PIP4K2A: variants seen among roughly 807,000 people sequenced by gnomAD.
PIP4K2A encodes the protein phosphatidylinositol-5-phosphate 4-kinase type 2 alpha.
In PIP4K2A, 14 loss-of-function variants were observed where a neutral mutation model predicts 42.9. The observed-to-expected ratio is 0.33, with a 90% CI of 0.22 to 0.51. The LOEUF is 0.51. Ranked by LOEUF, PIP4K2A falls within the 20% of genes least tolerant of loss-of-function variation. The probability of loss-of-function intolerance (pLI) is 0.97; values close to 1 mark genes in which losing one functional copy is unlikely to be tolerated. For missense variants in PIP4K2A, 434 were observed against 519.8 expected (o/e 0.83, Z 1.61); for synonymous variants, 192 against 192.2 (o/e 1.00, Z 0.01).
At chr10:22,700,070 T>G (rs1439689119) in intron 1 of PIP4K2A, among the ~76,000 whole-genome samples, 1 of 152,188 alleles carries the variant, frequency 6.6e-6, no homozygotes, top group African/African-American at 2.4e-5. Flanking sequence ...TGAGTACTTC[T>G]GAGATCGAGC....
rs576221227 is a variant in PIP4K2A at position 22,621,621 on chromosome 10, T to C, written c.145-11904A>G. Among the ~76,000 whole-genome samples the C allele has an allele frequency of 1.2e-4, 19 of 152,320 alleles. No individual in the cohort carries two copies. The East Asian group carries it at 3.7e-3, about 29-fold the overall frequency. On this transcript the variant is annotated intron_variant, in intron 1 of 9. Coordinates refer to ENST00000376573, the MANE Select transcript of PIP4K2A (RefSeq NM_005028.5). ...AGAAGATGGGGAGGAGTTTGGTATGTAATACAGGTGTCCCTGGGTACCCCA... is the reference window on the plus strand; with the variant it reads ...AGAAGATGGGGAGGAGTTTGGTATGCAATACAGGTGTCCCTGGGTACCCCA...
chr10:22,579,917 A>G (rs1208007140), intron 4 of PIP4K2A, among the ~76,000 whole-genome samples: 1 of 150,300 alleles, frequency 6.7e-6, no homozygotes. Context: ...TGAGAAGAAA[A>G]AAAAGAAAAA....
intron 1 of PIP4K2A, among the ~76,000 whole-genome samples, chr10:22,668,067 T>C (rs1564461569): frequency 6.6e-6 from 1 of 152,104 alleles, no homozygotes; most frequent in East Asian, 1.9e-4. Flanking sequence ...TTCACCTGCC[T>C]TAGCCTCCTG....
At chr10:22,649,371 C>G (rs781444224) in intron 1 of PIP4K2A, among the ~76,000 whole-genome samples, 1 of 152,170 alleles carries the variant, frequency 6.6e-6, no homozygotes, top group Non-Finnish European at 1.5e-5. Context: ...ACTTGGCTGT[C>G]AAATGAATCA....
chr10:22,573,353 T>C lies in PIP4K2A; in HGVS notation c.597A>G (p.Val199=), dbSNP rs10508649. The change falls in exon 5 of 10, where the codon GTA becomes GTG. Residue 199 remains valine, a synonymous_variant. Coordinates refer to ENST00000376573, the MANE Select transcript of PIP4K2A (RefSeq NM_005028.5). ...VEIYVIVTRN[V]FSHRLSVYRK... The stretch of plus-strand genomic sequence containing the variant: ...TATACACAGACAAACGGTGGCTGAA[T>C]ACATTTCTTGTAACTATCACATATA... 32,482 of 1,613,658 alleles carry C rather than the reference T, an allele frequency of 0.02. 1,809 individuals carry two copies. The African/African-American group carries it at 0.21, about 10-fold the overall frequency.
chr10:22,570,485 A>C (rs1356460020), intron 5 of PIP4K2A, among the ~76,000 whole-genome samples: 2 of 152,202 alleles, frequency 1.3e-5, no homozygotes, highest in African/African-American at 2.4e-5. Flanking sequence ...CCCCAGGGGC[A>C]ATTCCAGGGG....
In PIP4K2A at chr10:22,537,109, G is replaced by T; in HGVS notation, c.*92C>A. ...CAAGGAGGTTTGCTTCCTGCAAGAT[G>T]AGTACTTCACTGAGTTTGGTTTTCA... On this transcript the variant is annotated 3_prime_UTR_variant, in exon 10 of 10. Coordinates refer to ENST00000376573, the MANE Select transcript of PIP4K2A (RefSeq NM_005028.5). 1.1e-6 allele frequency: 1 copy of T among 911,988 alleles called. No homozygotes were observed. The highest frequency in any genetic ancestry group is 1.7e-6 in the Non-Finnish European group (1 of 579,360). The allele number at this position is 911,988 out of a possible 1,614,324, so 56.5% of individuals were successfully genotyped here. A position where few individuals can be genotyped will look rare whatever the true frequency, so the allele number is the denominator to read the frequency against.
At chr10:22,701,983 C>T (rs1465679342) in intron 1 of PIP4K2A, among the ~76,000 whole-genome samples, 3 of 152,184 alleles carry the variant, frequency 2.0e-5, no homozygotes, top group Non-Finnish European at 2.9e-5. Context: ...ACCATGCCAC[C>T]CCAGGGACTG....
intron 1 of PIP4K2A, among the ~76,000 whole-genome samples, chr10:22,688,000 A>G (rs1388579313): frequency 2.0e-5 from 3 of 152,186 alleles, no homozygotes; most frequent in African/African-American, 2.4e-5. Flanking sequence ...TCAAATATAC[A>G]GAGTAAAATT....
chr10:22,626,701 A>G (rs187648715), intron 1 of PIP4K2A, among the ~76,000 whole-genome samples: 25 of 152,358 alleles, frequency 1.6e-4, no homozygotes, highest in Admixed American at 1.4e-3. Flanking sequence ...AATGTAAAGT[A>G]TAGGGGTGTG....
intron 1 of PIP4K2A, among the ~76,000 whole-genome samples, chr10:22,712,562 C>T (rs1287271903): frequency 6.6e-6 from 1 of 152,162 alleles, no homozygotes. Flanking sequence ...AATAAAAGAG[C>T]TTAACAAAAT....
chr10:22,678,439 C>T (rs1282841221), intron 1 of PIP4K2A, among the ~76,000 whole-genome samples: 1 of 152,112 alleles, frequency 6.6e-6, no homozygotes, highest in Non-Finnish European at 1.5e-5. Flanking sequence ...GGCTATTTCC[C>T]AAACCTTTCT....
At chr10:22,694,327 G>A (rs1839928477) in intron 1 of PIP4K2A, 1 of 152,262 alleles carries the variant, frequency 6.6e-6, no homozygotes, top group East Asian at 1.9e-4. Context: ...GATGTCACAT[G>A]CCACTTAAAT....
At chr10:22,665,650 A>G (rs1839333596) in intron 1 of PIP4K2A, among the ~76,000 whole-genome samples, 1 of 139,760 alleles carries the variant, frequency 7.2e-6, no homozygotes, top group South Asian at 2.2e-4. Flanking sequence ...ATGGTGTCTC[A>G]CTATGTTGCC....
chr10:22,539,628 T>A (rs1836039064), intron 9 of PIP4K2A: 1 of 233,574 alleles, frequency 4.3e-6, no homozygotes, highest in South Asian at 1.1e-4. Context: ...AACATCCTAG[T>A]GATGCGCATG....
chr10:22,592,827 C>T (rs150448578), intron 3 of PIP4K2A, among the ~76,000 whole-genome samples: 1 of 152,342 alleles, frequency 6.6e-6, no homozygotes, highest in East Asian at 1.9e-4. Flanking sequence ...ACTTTCACTC[C>T]TTGCCTGGCC....
intron 6 of PIP4K2A, among the ~76,000 whole-genome samples, chr10:22,555,338 G>A (rs140992270): frequency 2.0e-5 from 3 of 152,198 alleles, no homozygotes; most frequent in Non-Finnish European, 2.9e-5. Flanking sequence ...TGCAAACATA[G>A]GGTTGTGAGG....
intron 1 of PIP4K2A, among the ~76,000 whole-genome samples, chr10:22,674,465 C>T: frequency 6.8e-6 from 1 of 147,934 alleles, no homozygotes; most frequent in East Asian, 2.0e-4. Flanking sequence ...GTTTCTCCTA[C>T]TCAAAGTTAA....
rs116066989 is a variant in PIP4K2A, at chr10:22,673,393, A to G, written c.144+40790T>C. Among the ~76,000 whole-genome samples, 253 of 152,368 alleles carry G rather than the reference A, an allele frequency of 1.7e-3. 2 individuals are homozygous for G. Among genetic ancestry groups the G allele is most frequent in the African/African-American group, 5.9e-3 (247 of 41,590 alleles). ...ATAAATATGTATGCATGAATTAATT[A>G]AAATGACCACAACAGTCAAAGGTAG... On this transcript the variant is annotated intron_variant, in intron 1 of 9. Coordinates refer to ENST00000376573, the MANE Select transcript of PIP4K2A (RefSeq NM_005028.5).
Sources: allele counts gnomAD v4.1 joint callset (sites outside exome capture counted in the v4.1 genomes callset), GRCh38; gene constraint gnomAD v4.1.1; transcripts MANE v1.5; gene names NCBI Gene and HGNC (gene_info 2026-07-23, HGNC 2026-07-21).